Variants in COMMD1 observed in about 807,000 individuals in gnomAD.
COMMD1 encodes the protein COMM domain-containing protein 1.
A neutral mutation model predicts 17.2 loss-of-function variants in COMMD1; 10 were observed. That is an observed-to-expected ratio of 0.58 (90% confidence interval 0.36 to 0.99). The LOEUF (loss-of-function observed/expected upper bound fraction) is 0.99, where lower values mean the gene tolerates loss of function less well. Among genes scored for constraint, COMMD1 ranks in the 50% least tolerant of loss-of-function variants. The probability of loss-of-function intolerance (pLI) is 0.01; values close to 1 mark genes in which losing one functional copy is unlikely to be tolerated. For synonymous variants in COMMD1, 97 were observed against 91.6 expected (o/e 1.06, Z -0.34); for missense variants, 270 against 231.8 (o/e 1.17, Z -1.07).
At chr2:61,897,743 C>T (rs1226334971) in intron 1 of COMMD1, among the ~76,000 whole-genome samples, 1 of 152,002 alleles carries the variant, frequency 6.6e-6, no homozygotes, top group Non-Finnish European at 1.5e-5. Flanking sequence ...GAGCAAAACT[C>T]TGTCTTTAAA....
chr2:61,999,359 G>C (rs557121480), intron 1 of COMMD1, among the ~76,000 whole-genome samples: 1 of 152,144 alleles, frequency 6.6e-6, no homozygotes, highest in East Asian at 1.9e-4. Flanking sequence ...AAATTTATGG[G>C]AAAGTATAAA....
chr2:61,976,479 T>A (rs1168827839), intron 1 of COMMD1, among the ~76,000 whole-genome samples: 1 of 152,198 alleles, frequency 6.6e-6, no homozygotes, highest in African/African-American at 2.4e-5. Flanking sequence ...GTCTTTAATG[T>A]GTATATTCTT....
rs531778361 is a variant in COMMD1, at chr2:61,962,146, A to C, written c.181-38555A>C. Reference sequence around the variant, plus strand: ...AAGGCCTACTGAACTTAGTCATATGATGCTGGGGTATATACCTTACAGTCA... The same window carrying C: ...AAGGCCTACTGAACTTAGTCATATGCTGCTGGGGTATATACCTTACAGTCA... On this transcript the variant is annotated intron_variant, in intron 1 of 2. Coordinates refer to ENST00000311832, the MANE Select transcript of COMMD1 (RefSeq NM_152516.4). Among the ~76,000 whole-genome samples, 737 of 152,298 alleles carry C rather than the reference A, an allele frequency of 4.8e-3. 8 individuals carry two copies. Among genetic ancestry groups the C allele is most frequent in the African/African-American group, 0.016 (658 of 41,556 alleles).
chr2:62,052,019 C>T (rs1670550274), intron 2 of COMMD1, among the ~76,000 whole-genome samples: 2 of 152,234 alleles, frequency 1.3e-5, no homozygotes, highest in African/African-American at 4.8e-5. Flanking sequence ...TCCACTCTTT[C>T]AGTCTTCTTC....
chr2:61,892,719 G>A (rs1197424915), intron 1 of COMMD1, among the ~76,000 whole-genome samples: 1 of 150,484 alleles, frequency 6.6e-6, no homozygotes, highest in Non-Finnish European at 1.5e-5. Context: ...GAAAAGAAAA[G>A]AAGAGAGGGC....
chr2:61,970,992 C>G (rs1462634350), intron 1 of COMMD1, among the ~76,000 whole-genome samples: 1 of 152,156 alleles, frequency 6.6e-6, no homozygotes, highest in Non-Finnish European at 1.5e-5. Flanking sequence ...ACTGTGGCCC[C>G]CTGTCTCCTG....
chr2:62,019,024 T>TCCCC (rs1573077169), intron 2 of COMMD1, among the ~76,000 whole-genome samples: 1 of 123,290 alleles, frequency 8.1e-6, no homozygotes, highest in African/African-American at 4.4e-5. Flanking sequence ...CCAACCAACT[T>TCCCC]CCCTCCCTCC....
chr2:61,978,858 T>C (rs1671874166), intron 1 of COMMD1, among the ~76,000 whole-genome samples: 1 of 152,156 alleles, frequency 6.6e-6, no homozygotes, highest in East Asian at 1.9e-4. Flanking sequence ...CTATAATTTT[T>C]TAAAATGTGG....
At chr2:61,993,255 C>G (rs1429502507) in intron 1 of COMMD1, among the ~76,000 whole-genome samples, 1 of 152,206 alleles carries the variant, frequency 6.6e-6, no homozygotes, top group Non-Finnish European at 1.5e-5. Context: ...CTAGTAGGGA[C>G]AGATCAGAGG....
intron 1 of COMMD1, among the ~76,000 whole-genome samples, chr2:61,931,168 C>T (rs764505439): frequency 7.9e-5 from 12 of 151,580 alleles, no homozygotes; most frequent in Admixed American, 1.3e-4. Flanking sequence ...AAAAATTAGC[C>T]GGGTGTGGTG....
chr2:62,088,964 A>G (rs1438889368), intron 2 of COMMD1, among the ~76,000 whole-genome samples: 1 of 152,262 alleles, frequency 6.6e-6, no homozygotes, highest in African/African-American at 2.4e-5. Context: ...TGCAGGCTAT[A>G]GGTAAATCTA....
At chr2:61,931,671 T>G (rs377666626) in intron 1 of COMMD1, among the ~76,000 whole-genome samples, 15 of 152,256 alleles carry the variant, frequency 9.9e-5, no homozygotes, top group African/African-American at 3.6e-4. Flanking sequence ...ATTATTACCT[T>G]AGTCCATTAC....
At chr2:62,071,718 G>A (rs77735221) in intron 2 of COMMD1, among the ~76,000 whole-genome samples, 2,947 of 152,118 alleles carry the variant, frequency 0.019, 105 homozygotes, top group African/African-American at 0.067. Context: ...CCCCATGATC[G>A]ACTGAGCAGA....
chr2:61,994,112 G>A (rs1407462705), intron 1 of COMMD1, among the ~76,000 whole-genome samples: 4 of 152,080 alleles, frequency 2.6e-5, no homozygotes, highest in East Asian at 1.9e-4. Context: ...TCGGCCTCTC[G>A]AGTAGGTGGG....
At chr2:61,957,636 A>C (rs1474374591) in intron 1 of COMMD1, among the ~76,000 whole-genome samples, 1 of 152,192 alleles carries the variant, frequency 6.6e-6, no homozygotes. Flanking sequence ...TGTCTTAAAG[A>C]CAAATCAACA....
intron 1 of COMMD1, among the ~76,000 whole-genome samples, chr2:61,927,589 G>A (rs1416028333): frequency 1.3e-5 from 2 of 151,948 alleles, no homozygotes; most frequent in South Asian, 2.1e-4. Context: ...TAGTAGAGGC[G>A]GGATTTCACC....
chr2:62,019,103 CCCT>C (rs1669538356), intron 2 of COMMD1, among the ~76,000 whole-genome samples: 2 of 52,146 alleles, frequency 3.8e-5, no homozygotes, highest in African/African-American at 9.0e-5. Context: ...TCTCTCTCTT[CCCT>C]CCCTCCCTCC....
At chr2:61,925,910 G>A (rs1670317533) in intron 1 of COMMD1, among the ~76,000 whole-genome samples, 1 of 152,030 alleles carries the variant, frequency 6.6e-6, no homozygotes, top group Non-Finnish European at 1.5e-5. Context: ...CAAGAGTCCT[G>A]GATAGCTTAA....
At chr2:62,010,672 CA>C (rs1382884117) in intron 2 of COMMD1, among the ~76,000 whole-genome samples, 1 of 152,140 alleles carries the variant, frequency 6.6e-6, no homozygotes, top group Non-Finnish European at 1.5e-5. Flanking sequence ...TCTTCCAGTT[CA>C]TATCTTTTTG....
Sources: allele counts gnomAD v4.1 joint callset (sites outside exome capture counted in the v4.1 genomes callset), GRCh38; gene constraint gnomAD v4.1.1; transcripts MANE v1.5; gene names NCBI Gene and HGNC (gene_info 2026-07-23, HGNC 2026-07-21).